Variants in PCDHGB4 observed in about 807,000 individuals in gnomAD.
PCDHGB4 encodes the protein protocadherin gamma-B4.
Under a neutral mutation model 60.5 loss-of-function variants are expected in PCDHGB4, and 38 were observed. The observed-to-expected ratio is 0.63, with a 90% CI of 0.48 to 0.82. The LOEUF (loss-of-function observed/expected upper bound fraction) is 0.82, where lower values mean the gene tolerates loss of function less well. PCDHGB4 is among the 40% of genes least tolerant of loss of function. PCDHGB4 has a pLI of 0.00. For missense variants in PCDHGB4, 1,109 were observed against 1,209.6 expected (o/e 0.92, Z 1.23); for synonymous variants, 456 against 509.7 (o/e 0.89, Z 1.42).
chr5:141,415,147 C>T (rs779194230), intron 1 of PCDHGB4: 17 of 1,613,668 alleles, frequency 1.1e-5, no homozygotes, highest in African/African-American at 1.3e-5. Context: ...CCAGCCCCCT[C>T]TCTCCGCCAC....
rs1419819549 is a variant in PCDHGB4 at position 141,405,132 on chromosome 5, C to T, written c.2397+14851C>T. ...TGGCACTCCTCGCATCTGCTGCGGG[C>T]TACCAGTGATGGGTTGGCTGGTGTG... On this transcript the variant is annotated intron_variant, in intron 1 of 3. Transcript: ENST00000519479. 2 of 1,614,032 alleles carry T rather than the reference C, an allele frequency of 1.2e-6. No individual in the cohort carries two copies. Among genetic ancestry groups the T allele is most frequent in the East Asian group, 4.5e-5 (2 of 44,860 alleles).
intron 1 of PCDHGB4, chr5:141,423,709 C>G (rs2096768343): frequency 8.7e-7 from 1 of 1,147,590 alleles, no homozygotes; most frequent in African/African-American, 1.9e-5. Context: ...TGGCACAAGT[C>G]TTTTAAGGAG....
In PCDHGB4 at chr5:141,394,383, C is replaced by G. The variant is rs2092989606; in HGVS notation, c.2397+4102C>G. The G allele has an allele frequency of 3.1e-6, 5 of 1,614,118 alleles. No homozygotes were observed. In the Admixed American group the frequency reaches 5.0e-5, roughly 16 times the overall value. ...TGCGCTGCAATCTTTCGACTATGAG[C>G]AGATCCGAGACCTGCAGCTACTGGT... On this transcript the variant is annotated intron_variant, in intron 1 of 3. Transcript: ENST00000519479.
intron 1 of PCDHGB4, chr5:141,427,891 G>A (rs767506033): frequency 1.3e-6 from 2 of 1,566,658 alleles, no homozygotes; most frequent in South Asian, 2.2e-5. Context: ...CACGACCAGG[G>A]CTCGCCCGCG....
chr5:141,413,135 T>TGTCC (rs767378713), intron 1 of PCDHGB4: 1 of 1,545,632 alleles, frequency 6.5e-7, no homozygotes, highest in Non-Finnish European at 8.7e-7. Context: ...ACACACAACG[T>TGTCC]GTCCAGTGAG....
At chr5:141,495,591 C>G (rs2099762279) in intron 2 of PCDHGB4, among the ~76,000 whole-genome samples, 3 of 152,222 alleles carry the variant, frequency 2.0e-5, no homozygotes, top group African/African-American at 7.2e-5. Context: ...CCATCTCTGT[C>G]TTAGCTTCCG....
rs1446853595 is a variant in PCDHGB4 at position 141,491,363 on chromosome 5, C to A, written c.2398-3444C>A. The A allele has an allele frequency of 1.2e-6, 2 of 1,614,182 alleles. No homozygotes were observed. Among genetic ancestry groups the A allele is most frequent in the South Asian group, 2.2e-5 (2 of 91,082 alleles). On this transcript the variant is annotated intron_variant, in intron 1 of 3. Coordinates refer to ENST00000519479, the MANE Select transcript of PCDHGB4 (RefSeq NM_003736.4). The surrounding 1 kb of genome is among the most constrained non-coding windows in gnomAD (Gnocchi z 6.9). ...ACCGTCAGTCTCTTATCCCTAGTCA[C>A]CTTCACCTTTCTGTCAGCGAAGTGC...
At chr5:141,510,519 C>A (rs182721864) in intron 3 of PCDHGB4, among the ~76,000 whole-genome samples, 1 of 152,260 alleles carries the variant, frequency 6.6e-6, no homozygotes, top group East Asian at 1.9e-4. Context: ...CGTGTCACAG[C>A]CCTGAGAGAA....
intron 2 of PCDHGB4, among the ~76,000 whole-genome samples, chr5:141,503,166 A>T (rs1246987375): frequency 1.3e-5 from 2 of 151,884 alleles, no homozygotes; most frequent in Admixed American, 1.3e-4. Context: ...CACAATTGCA[A>T]TTACTCTATT....
intron 1 of PCDHGB4, chr5:141,418,454 ACTCTG>A (rs2096260396): frequency 3.1e-6 from 5 of 1,613,892 alleles, no homozygotes; most frequent in Non-Finnish European, 4.2e-6. Context: ...ATTGCAGAAG[ACTCTG>A]GACCGAGAAA....
At position 141,491,299 on chromosome 5, in the gene PCDHGB4, C is replaced by T. The variant is rs777271881; in HGVS notation, c.2398-3508C>T. ...TGACTTCCTCATACACCCTCCTGAG[C>T]GTTCAGACCTTACCCTTTACCTCAT... On this transcript the variant is annotated intron_variant, in intron 1 of 3. Transcript: ENST00000519479. This position sits in a 1 kb window ranked among gnomAD's most constrained non-coding sequence, Gnocchi z 6.9. 3.7e-6 allele frequency: 6 copies of T among 1,614,068 alleles called. No individual in the cohort carries two copies. Among genetic ancestry groups the T allele is most frequent in the Non-Finnish European group, 5.1e-6 (6 of 1,179,896 alleles).
intron 3 of PCDHGB4, among the ~76,000 whole-genome samples, chr5:141,509,040 C>T (rs1217864661): frequency 6.6e-6 from 1 of 152,132 alleles, no homozygotes; most frequent in African/African-American, 2.4e-5. Context: ...CAACCCCTCT[C>T]CCCCGCCCCC....
rs573580017 is a variant in PCDHGB4, at chr5:141,484,867, G to T, written c.2398-9940G>T. 33 of 282,678 alleles carry T rather than the reference G, an allele frequency of 1.2e-4. No individual in the cohort carries two copies. The South Asian group carries it at 1.6e-3, about 14-fold the overall frequency. The allele number at this position is 282,678 out of a possible 1,614,324, so 17.5% of individuals were successfully genotyped here. On this transcript the variant is annotated intron_variant, in intron 1 of 3. Transcript: ENST00000519479. ...TGGGTTTTTTGGGGGGTGGGGGAGC[G>T]TGGAGGATAGGGTGGGCTTTTTCCC...
Position 141,485,151 on chromosome 5 carries a change from T to C in PCDHGB4, c.2398-9656T>C, listed in dbSNP as rs1191585056. 1.0e-5 allele frequency: 16 copies of C among 1,584,876 alleles called. No homozygotes were observed. Among genetic ancestry groups the C allele is most frequent in the Non-Finnish European group, 1.3e-5 (15 of 1,156,528 alleles). On this transcript the variant is annotated intron_variant, in intron 1 of 3. Coordinates refer to ENST00000519479, the MANE Select transcript of PCDHGB4 (RefSeq NM_003736.4). This position sits in a 1 kb window ranked among gnomAD's most constrained non-coding sequence, Gnocchi z 5.7. ...GCTTCATCCGCGTCTCAGGAGCAAG[T>C]AGAGAATTAGCGGGCGGCAGCAATG...
In PCDHGB4 at chr5:141,404,211, T is replaced by C. The variant is rs1423741415; in HGVS notation, c.2397+13930T>C. ...CGAGAAAAAGCCTCAGAATATAATATCACGGTGACTGCAACAGACAGAGGA... is the reference window on the plus strand; with the variant it reads ...CGAGAAAAAGCCTCAGAATATAATACCACGGTGACTGCAACAGACAGAGGA... On this transcript the variant is annotated intron_variant, in intron 1 of 3. Coordinates refer to ENST00000519479, the MANE Select transcript of PCDHGB4 (RefSeq NM_003736.4). 3 of 1,613,606 alleles carry C rather than the reference T, an allele frequency of 1.9e-6. No homozygotes were observed. The Admixed American group carries it at 5.0e-5, about 27-fold the overall frequency.
intron 1 of PCDHGB4, among the ~76,000 whole-genome samples, chr5:141,436,557 A>G (rs1224841336): frequency 6.6e-6 from 1 of 152,218 alleles, no homozygotes; most frequent in Non-Finnish European, 1.5e-5. Flanking sequence ...GAGCTTCAGC[A>G]AAGTAGGAAT....
At chr5:141,450,998 T>C (rs2098703513) in intron 1 of PCDHGB4, among the ~76,000 whole-genome samples, 1 of 151,696 alleles carries the variant, frequency 6.6e-6, no homozygotes, top group Non-Finnish European at 1.5e-5. Flanking sequence ...CTAATTTTTT[T>C]GTATTTTTTT....
intron 1 of PCDHGB4, among the ~76,000 whole-genome samples, chr5:141,450,335 T>A (rs1054670037): frequency 1.3e-5 from 2 of 152,158 alleles, no homozygotes; most frequent in African/African-American, 4.8e-5. Context: ...CTCTTTAATC[T>A]ACTTTAATCT....
chr5:141,435,254 G>C (rs1220755047), intron 1 of PCDHGB4, among the ~76,000 whole-genome samples: 1 of 152,018 alleles, frequency 6.6e-6, no homozygotes, highest in African/African-American at 2.4e-5. Flanking sequence ...GGCCATTAGG[G>C]ATATGTCCAT....
Sources: gnomAD v4.1 joint callset for allele counts (sites outside exome capture counted in the v4.1 genomes callset) on GRCh38, gnomAD v4.1.1 for gene constraint, Gnocchi (gnomAD v3.1) non-coding constraint, MANE v1.5 for transcripts, NCBI Gene and HGNC (gene_info 2026-07-23, HGNC 2026-07-21) for gene names.